ANKRD24: variants seen among roughly 807,000 people sequenced by gnomAD.
ANKRD24 encodes ankyrin repeat domain-containing protein 24.
In ANKRD24, 109 loss-of-function variants were observed where a neutral mutation model predicts 127.8. The ratio of observed to expected loss-of-function variants is 0.85; its 90% CI spans 0.73 to 1.00. ANKRD24 has a LOEUF of 1.00. Ranked by LOEUF, ANKRD24 falls within the 50% of genes least tolerant of loss-of-function variation. The probability of loss-of-function intolerance (pLI) is 0.00; values close to 1 mark genes in which losing one functional copy is unlikely to be tolerated. For synonymous variants in ANKRD24, 743 were observed against 671.1 expected (o/e 1.11, Z -1.66); for missense variants, 1,648 against 1,570.2 (o/e 1.05, Z -0.84).
chr19:4,184,876 G>A (rs1321233209), intron 1 of ANKRD24, among the ~76,000 whole-genome samples: 1 of 149,934 alleles, frequency 6.7e-6, no homozygotes, highest in African/African-American at 2.5e-5. Flanking sequence ...GAATGGGTGG[G>A]TGATTGGGCA....
At position 4,216,559 on chromosome 19, in the gene ANKRD24, A is replaced by C. The variant is rs1568338898; in HGVS notation, c.1399A>C (p.Asn467His). Residue 467 changes from asparagine (N) to histidine (H), a missense_variant, in exon 18 of 22, where the codon AAC becomes CAC. Transcript: ENST00000318934. ...CCACTCCACTCCCCAGATCCTGGAG[A>C]ACTTTGAGAAGGACGAGACACAGAT... is the stretch of plus-strand genomic sequence containing the variant. ...ELMEKVQILE[N>H]FEKDETQMEV... 4.4e-6 allele frequency: 7 copies of C among 1,607,408 alleles called. No homozygotes were observed. The highest frequency in any genetic ancestry group is 6.0e-6 in the Non-Finnish European group (7 of 1,176,348).
chr19:4,202,763 A>C, intron 6 of ANKRD24, 106 bp from the exon 7 acceptor site: 1 of 1,193,636 alleles, frequency 8.4e-7, no homozygotes, highest in Non-Finnish European at 1.2e-6. Flanking sequence ...GGGCCACGGA[A>C]GGGTGAGGCT....
intron 15 of ANKRD24, among the ~76,000 whole-genome samples, chr19:4,215,028 G>C (rs1411963738): frequency 6.6e-6 from 1 of 152,134 alleles, no homozygotes; most frequent in South Asian, 2.1e-4. Context: ...CACACCCACA[G>C]GTAACCACAG....
chr19:4,185,461 A>G (rs1968007998), intron 1 of ANKRD24, among the ~76,000 whole-genome samples: 3 of 152,074 alleles, frequency 2.0e-5, no homozygotes, highest in Non-Finnish European at 4.4e-5. Flanking sequence ...CTCCTTGGTA[A>G]GAGGCAAATA....
At position 4,207,956 on chromosome 19, in the gene ANKRD24, TC is replaced by T; in HGVS notation, c.824del (p.Pro275HisfsTer53). On this transcript the variant is annotated frameshift_variant, in exon 10 of 22. Coordinates refer to ENST00000318934, the MANE Select transcript of ANKRD24 (RefSeq NM_001393985.1). LOFTEE classifies it high-confidence loss of function. The part of the protein sequence containing the change: ...HLLQEAAQRP[S>X]PPSALTEDDS... The stretch of plus-strand genomic sequence containing the variant: ...TCTGCAAGAGGCGGCCCAGCGCCCC[TC>T]CCCACCCAGCGGTATGCAAGCCCCA... 1 of 1,506,838 alleles carries T rather than the reference TC, an allele frequency of 6.6e-7. No homozygotes were observed. The highest frequency in any genetic ancestry group is 2.4e-5 in the Admixed American group (1 of 41,348). The allele number at this position is 1,506,838 out of a possible 1,614,324, so 93.3% of individuals were successfully genotyped here.
intron 2 of ANKRD24, among the ~76,000 whole-genome samples, chr19:4,197,823 TAATG>T (rs1366650624): frequency 6.8e-6 from 1 of 147,406 alleles, no homozygotes; most frequent in African/African-American, 2.5e-5. Flanking sequence ...GTGAGTGAAT[TAATG>T]CATGAAAGGG....
In ANKRD24 at chr19:4,217,714, GT is replaced by G; in HGVS notation, c.2556del (p.Leu853CysfsTer157). On this transcript the variant is annotated frameshift_variant, in exon 18 of 22. Coordinates refer to ENST00000318934, the MANE Select transcript of ANKRD24 (RefSeq NM_001393985.1). LOFTEE classifies it high-confidence loss of function. ...ARLEQSRELE[V>X]LREQLATARA... ...GCTGGAGCAGAGCCGGGAGCTGGAGGTTCTGCGGGAGCAGCTGGCCACGGCC... is the reference window on the plus strand; with the variant it reads ...GCTGGAGCAGAGCCGGGAGCTGGAGGTCTGCGGGAGCAGCTGGCCACGGCC... 2 of 1,293,520 alleles carry G rather than the reference GT, an allele frequency of 1.5e-6. No homozygotes were observed. The highest frequency in any genetic ancestry group is 2.2e-5 in the South Asian group (1 of 45,068). The allele number at this position is 1,293,520 out of a possible 1,614,324, so 80.1% of individuals were successfully genotyped here. A position where few individuals can be genotyped will look rare whatever the true frequency, so the allele number is the denominator to read the frequency against.
In ANKRD24 at chr19:4,199,812, C is replaced by G. The variant is rs564055674; in HGVS notation, c.123+43C>G. On this transcript the variant is annotated intron_variant, in intron 3 of 21. Transcript: ENST00000318934. The surrounding 1 kb of genome is among the most constrained non-coding windows in gnomAD (Gnocchi z 5.2). ...GGTGGTGAGAGCCCGGAGCCCCTGT[C>G]GGGGGCGTGGGGAGGGGACAGCAGC... 2.0e-6 allele frequency: 3 copies of G among 1,532,972 alleles called. No homozygotes were observed. The highest frequency in any genetic ancestry group is 2.6e-6 in the Non-Finnish European group (3 of 1,138,176). The allele number at this position is 1,532,972 out of a possible 1,614,324, so 95.0% of individuals were successfully genotyped here.
At chr19:4,224,223 GC>G (rs1220239326) in intron 21 of ANKRD24, 31 bp downstream of exon 21, 9 of 1,591,334 alleles carry the variant, frequency 5.7e-6, no homozygotes, top group Non-Finnish European at 7.7e-6. Context: ...GTACCCGGTG[GC>G]TTTGGGCATA....
chr19:4,206,144 A>AAAATAAATAAAT (rs145877935), intron 7 of ANKRD24, among the ~76,000 whole-genome samples: 1 of 141,924 alleles, frequency 7.0e-6, no homozygotes, highest in African/African-American at 2.6e-5. Flanking sequence ...CTCCGTCTCA[A>AAAATAAATAAAT]AAATAAATAA....
chr19:4,218,965 GC>G (rs762317123), intron 18 of ANKRD24, among the ~76,000 whole-genome samples: 1 of 151,976 alleles, frequency 6.6e-6, no homozygotes, highest in Non-Finnish European at 1.5e-5. Context: ...ACAGGGTTTT[GC>G]CATGTTGCCC....
intron 19 of ANKRD24, 103 bp from the exon 20 acceptor site, chr19:4,222,567 C>A: frequency 7.4e-7 from 1 of 1,351,556 alleles, no homozygotes; most frequent in Admixed American, 2.9e-5. Context: ...ACGGGACCTT[C>A]CCTTGAAAGC....
chr19:4,219,306 CA>C (rs765918464), intron 18 of ANKRD24, among the ~76,000 whole-genome samples: 12 of 151,064 alleles, frequency 7.9e-5, no homozygotes, highest in Non-Finnish European at 1.5e-4. Flanking sequence ...AAAAACAAAA[CA>C]AAAACAAGCA....
At chr19:4,220,781 TC>T (rs1248792263) in intron 19 of ANKRD24, among the ~76,000 whole-genome samples, 3 of 152,026 alleles carry the variant, frequency 2.0e-5, no homozygotes, top group African/African-American at 7.2e-5. Context: ...GGTCTCAATC[TC>T]CTGACCTCGT....
Position 4,207,783 on chromosome 19 carries a change from C to T in ANKRD24, c.647C>T (p.Thr216Met), listed in dbSNP as rs1286305925. Reference sequence around the variant, plus strand: ...TCAGTAGCCCCCTCCCCTGGTAGGACGGCCCTGATGCTGGCCTGTGAGGGG... The same window carrying T: ...TCAGTAGCCCCCTCCCCTGGTAGGATGGCCCTGATGCTGGCCTGTGAGGGG... The part of the protein sequence containing the change: ...AANDQDLQGR[T>M]ALMLACEGAS... Residue 216 changes from threonine (T) to methionine (M), a missense_variant and splice_region_variant, in exon 10 of 22, where the codon ACG becomes ATG. Coordinates refer to ENST00000318934, the MANE Select transcript of ANKRD24 (RefSeq NM_001393985.1). 4.5e-6 allele frequency: 7 copies of T among 1,571,474 alleles called. No individual in the cohort carries two copies. Among genetic ancestry groups the T allele is most frequent in the East Asian group, 2.3e-5 (1 of 43,548 alleles).
chr19:4,214,347 T>C (rs1969937448), intron 15 of ANKRD24, among the ~76,000 whole-genome samples: 1 of 152,004 alleles, frequency 6.6e-6, no homozygotes, highest in Non-Finnish European at 1.5e-5. Flanking sequence ...TTTTTCTTTT[T>C]GGAGAGATGG....
chr19:4,194,794 G>T (rs1257050611), intron 2 of ANKRD24, among the ~76,000 whole-genome samples: 1 of 152,142 alleles, frequency 6.6e-6, no homozygotes, highest in Non-Finnish European at 1.5e-5. Context: ...GGCCGTGGAA[G>T]GGGTGAGAAG....
At chr19:4,216,204 C>T in intron 16 of ANKRD24, 80 bp from the exon 17 acceptor site, 1 of 1,446,176 alleles carries the variant, frequency 6.9e-7, no homozygotes, top group Non-Finnish European at 9.5e-7. Context: ...CCTGGGAACC[C>T]TGATCCACCA....
intron 13 of ANKRD24, among the ~76,000 whole-genome samples, chr19:4,210,921 C>T (rs1222461533): frequency 1.3e-5 from 2 of 151,994 alleles, no homozygotes; most frequent in African/African-American, 2.4e-5. Flanking sequence ...GCCACCTCCG[C>T]CTCCCGGGTT....
Sources: allele counts gnomAD v4.1 joint callset (sites outside exome capture counted in the v4.1 genomes callset), GRCh38; gene constraint gnomAD v4.1.1; non-coding constraint Gnocchi (gnomAD v3.1); transcripts MANE v1.5; gene names NCBI Gene and HGNC (gene_info 2026-07-23, HGNC 2026-07-21).